ZFP64: variants seen among roughly 807,000 people sequenced by gnomAD.
ZFP64 encodes zinc finger protein 64.
Under a neutral mutation model 51.6 loss-of-function variants are expected in ZFP64, and 14 were observed. The observed-to-expected ratio is 0.27, with a 90% confidence interval of 0.18 to 0.42. ZFP64 has a LOEUF of 0.42. Among genes scored for constraint, ZFP64 ranks in the 10% least tolerant of loss-of-function variants. The pLI, the probability that ZFP64 is intolerant of heterozygous loss-of-function variation, is 1.00. For synonymous variants in ZFP64, 375 were observed against 361.4 expected (o/e 1.04, Z -0.43); for missense variants, 754 against 906.8 (o/e 0.83, Z 2.16).
intron 5 of ZFP64, among the ~76,000 whole-genome samples, chr20:52,118,633 G>T (rs1285264716): frequency 6.6e-6 from 1 of 152,230 alleles, no homozygotes; most frequent in East Asian, 1.9e-4. Context: ...AACATTAATT[G>T]GGTTGCCACT....
chr20:52,117,600 C>G (rs1157049106), intron 5 of ZFP64: 3 of 454,972 alleles, frequency 6.6e-6, no homozygotes. Flanking sequence ...GCCTGGGCGA[C>G]AGAGCGAAAC....
In ZFP64 at chr20:52,085,146, C is replaced by T. The variant is rs2078851001; in HGVS notation, c.1349G>A (p.Arg450His). The T allele has an allele frequency of 1.2e-6, 2 of 1,614,210 alleles. No individual in the cohort carries two copies. The highest frequency in any genetic ancestry group is 8.5e-7 in the Non-Finnish European group (1 of 1,180,042). ...TTTGAGATTCGCCTTCATGGTGCAG[C>T]GGACGTCGCAGAACTCGCACTTGAA... Residue 450 changes from arginine (R) to histidine (H), a missense_variant, in exon 9 of 9, where the codon CGC becomes CAC. Coordinates refer to the ZFP64 transcript ENST00000361387. This position sits in a 1 kb window ranked among gnomAD's most constrained non-coding sequence, Gnocchi z 4.3.
intron 8 of ZFP64, among the ~76,000 whole-genome samples, chr20:52,086,914 A>G (rs1391218900): frequency 6.6e-6 from 1 of 152,238 alleles, no homozygotes; most frequent in Non-Finnish European, 1.5e-5. Context: ...CATATCAAAT[A>G]TATCATGCCA....
At chr20:52,110,843 C>T in intron 5 of ZFP64, 1 of 1,607,940 alleles carries the variant, frequency 6.2e-7, no homozygotes, top group South Asian at 1.1e-5. Context: ...AGCTTGTCAC[C>T]ATAATCTGAG....
chr20:52,139,891 G>A (rs78570959), intron 5 of ZFP64, among the ~76,000 whole-genome samples: 2 of 137,010 alleles, frequency 1.5e-5, no homozygotes, highest in African/African-American at 5.3e-5. Context: ...TGGCAACCCC[G>A]CATCAAACAA....
chr20:52,146,381 A>G (rs919509809), downstream of ZFP64, among the ~76,000 whole-genome samples: 3 of 141,746 alleles, frequency 2.1e-5, no homozygotes, highest in Admixed American at 7.3e-5. Flanking sequence ...CATATACACC[A>G]TGGAATACTA....
intron 7 of ZFP64, among the ~76,000 whole-genome samples, chr20:52,093,105 C>T (rs1568941851): frequency 6.6e-6 from 1 of 151,840 alleles, no homozygotes; most frequent in Non-Finnish European, 1.5e-5. Flanking sequence ...TTCTCTTGCT[C>T]AAGATACACT....
At chr20:52,150,186 C>A (rs552425020), downstream of ZFP64, among the ~76,000 whole-genome samples, 1 of 123,184 alleles carries the variant, frequency 8.1e-6, no homozygotes, top group African/African-American at 3.3e-5. Context: ...GCCTGGGCAA[C>A]AGAGTGAGAC....
chr20:52,136,522 A>C (rs1979990078), intron 5 of ZFP64, among the ~76,000 whole-genome samples: 1 of 152,216 alleles, frequency 6.6e-6, no homozygotes, highest in Non-Finnish European at 1.5e-5. Flanking sequence ...ATTTATGTGA[A>C]TAAAACTCAG....
chr20:52,184,695 T>A (rs1983838644), intron 2 of ZFP64, among the ~76,000 whole-genome samples: 1 of 151,326 alleles, frequency 6.6e-6, no homozygotes, highest in African/African-American at 2.4e-5. Flanking sequence ...GGTACGATCA[T>A]AGCTCACTGC....
At chr20:52,175,077 T>G (rs1983074713) in intron 2 of ZFP64, among the ~76,000 whole-genome samples, 1 of 152,224 alleles carries the variant, frequency 6.6e-6, no homozygotes, top group African/African-American at 2.4e-5. Flanking sequence ...AATTTTTTTC[T>G]TGATTTGTAA....
chr20:52,185,460 A>T (rs1983890285), intron 2 of ZFP64, among the ~76,000 whole-genome samples: 1 of 149,766 alleles, frequency 6.7e-6, no homozygotes, highest in South Asian at 2.1e-4. Flanking sequence ...ATAAGAATTT[A>T]TATCCCCAGA....
Position 52,131,631 on chromosome 20 carries a change from T to C in ZFP64, c.763+28492A>G, listed in dbSNP as rs190952547. Among the ~76,000 whole-genome samples the C allele has an allele frequency of 8.5e-4, 130 of 152,328 alleles. 2 individuals are homozygous for C. In the Middle Eastern group the frequency reaches 0.017, roughly 20 times the overall value. On this transcript the variant is annotated intron_variant, in intron 5 of 8. Transcript: ENST00000361387. ...ACTATAAGAAAAGCAGGTCACTATA[T>C]ATAATGTTTATAAAGGGGTGAATTC...
intron 7 of ZFP64, among the ~76,000 whole-genome samples, chr20:52,092,632 C>T (rs2078940761): frequency 6.6e-6 from 1 of 152,112 alleles, no homozygotes; most frequent in South Asian, 2.1e-4. Context: ...GGCGGATCCG[C>T]CTTGACTTGA....
At chr20:52,183,193 A>C (rs1187598464) in intron 2 of ZFP64, among the ~76,000 whole-genome samples, 2 of 152,134 alleles carry the variant, frequency 1.3e-5, no homozygotes, top group African/African-American at 4.8e-5. Flanking sequence ...TTTTTTGTGA[A>C]GATTGTCATG....
At chr20:52,117,703 T>C in intron 5 of ZFP64, 1 of 456,546 alleles carries the variant, frequency 2.2e-6, no homozygotes, top group Admixed American at 2.4e-5. Flanking sequence ...GCAGCATGGG[T>C]GTGGACCAGC....
chr20:52,111,139 G>C, intron 5 of ZFP64: 1 of 726,464 alleles, frequency 1.4e-6, no homozygotes, highest in Non-Finnish European at 2.5e-6. Flanking sequence ...CACATCGCCG[G>C]GTTCCGCGAC....
chr20:52,160,106 T>C lies in ZFP64; in HGVS notation c.763+17A>G, dbSNP rs1332420276. 1.9e-6 allele frequency: 3 copies of C among 1,614,156 alleles called. No individual in the cohort carries two copies. Among genetic ancestry groups the C allele is most frequent in the African/African-American group, 2.7e-5 (2 of 75,048 alleles). ...GAAAGTGAGGAGCGTAGAGAGCAAA[T>C]AACAGGCAGGACTCACCCGTGTGGG... is the stretch of plus-strand genomic sequence containing the variant. On this transcript the variant is annotated intron_variant, in intron 5 of 5. Transcript: ENST00000216923. This position sits in a 1 kb window ranked among gnomAD's most constrained non-coding sequence, Gnocchi z 4.2.
chr20:52,153,265 C>T lies in ZFP64; in HGVS notation c.927G>A (p.Lys309=). The T allele has an allele frequency of 1.9e-6, 3 of 1,614,212 alleles. No individual in the cohort carries two copies. Among genetic ancestry groups the T allele is most frequent in the Non-Finnish European group, 2.5e-6 (3 of 1,180,036 alleles). Reference sequence around the variant, plus strand: ...GACACTTGAAGTTATTCCCGCTGTGCTTGATACGGATGTGCGACTTGAGGT... The same window carrying T: ...GACACTTGAAGTTATTCCCGCTGTGTTTGATACGGATGTGCGACTTGAGGT... The part of the protein sequence containing the change: ...KGNLKSHIRI[K]HSGNNFKCPH... The change falls in exon 6 of 6, where the codon AAG becomes AAA. Residue 309 remains lysine (K), a synonymous_variant. Transcript: ENST00000216923. The surrounding 1 kb of genome is among the most constrained non-coding windows in gnomAD (Gnocchi z 5.1).
Sources: allele counts gnomAD v4.1 joint callset (sites outside exome capture counted in the v4.1 genomes callset), GRCh38; gene constraint gnomAD v4.1.1; non-coding constraint Gnocchi (gnomAD v3.1); transcripts MANE v1.5; gene names NCBI Gene and HGNC (gene_info 2026-07-23, HGNC 2026-07-21).